The following EXT2 variants were observed in gnomAD, a reference collection of about 807,000 sequenced individuals.
The protein encoded by EXT2 is exostosin glycosyltransferase 2.
A neutral mutation model predicts 81.6 loss-of-function variants in EXT2; 53 were observed. The observed-to-expected ratio is 0.65, with a 90% CI of 0.52 to 0.82. The LOEUF is 0.82. EXT2 is among the 40% of genes least tolerant of loss of function. The pLI is 0.00. For synonymous variants in EXT2, 320 were observed against 340.0 expected (o/e 0.94, Z 0.65); for missense variants, 774 against 910.2 (o/e 0.85, Z 1.93).
chr11:44,107,863 G>A lies in EXT2; in HGVS notation c.151G>A (p.Glu51Lys), dbSNP rs763384036. ...GTTTCAGTTTTGGCCCCATTCTATCGAGTCCTCAAATGACTGGAATGTAGA... is the reference window on the plus strand; with the variant it reads ...GTTTCAGTTTTGGCCCCATTCTATCAAGTCCTCAAATGACTGGAATGTAGA... ...GMFQFWPHSIESSNDWNVEKR... is the reference protein window; with the variant it reads ...GMFQFWPHSIKSSNDWNVEKR... Residue 51 changes from glutamate to lysine, a missense_variant, in exon 2 of 14, where the codon GAG becomes AAG. By Grantham distance (56) the Glu-to-Lys change is moderately conservative. Transcript: ENST00000533608. 1.9e-6 allele frequency: 3 copies of A among 1,614,084 alleles called. No individual in the cohort carries two copies. The highest frequency in any genetic ancestry group is 2.7e-5 in the African/African-American group (2 of 74,990).
chr11:44,135,478 G>T (rs150862092), intron 7 of EXT2, among the ~76,000 whole-genome samples: 4 of 149,248 alleles, frequency 2.7e-5, no homozygotes, highest in African/African-American at 9.9e-5. Context: ...TGCAACCTCT[G>T]CCTCCTGGGT....
At chr11:44,166,713 G>C (rs564401543) in intron 7 of EXT2, among the ~76,000 whole-genome samples, 1 of 152,136 alleles carries the variant, frequency 6.6e-6, no homozygotes, top group East Asian at 1.9e-4. Context: ...ATTTCCCCAT[G>C]TTAAATTTTC....
At chr11:44,100,006 C>T (rs1953959449) in intron 1 of EXT2, among the ~76,000 whole-genome samples, 1 of 152,160 alleles carries the variant, frequency 6.6e-6, no homozygotes. Flanking sequence ...GAGGGCATCC[C>T]TCAGCCAGTG....
At position 44,250,442 on chromosome 11, in the gene EXT2, C is replaced by T. The variant is rs184609977; in HGVS notation, c.*6155C>T. On this transcript the variant is annotated 3_prime_UTR_variant, in exon 14 of 14. Coordinates refer to ENST00000533608, the MANE Select transcript of EXT2 (RefSeq NM_207122.2). ...GGAATGATGTATCATATCTCTTCCC[C>T]TTTTATTAACCAGATCGTTTACCAG... Among the ~76,000 whole-genome samples, 2 of 152,282 alleles carry T rather than the reference C, an allele frequency of 1.3e-5. No homozygotes were observed. Among genetic ancestry groups the T allele is most frequent in the Non-Finnish European group, 2.9e-5 (2 of 68,030 alleles).
At chr11:44,103,284 T>G (rs1166983924) in intron 1 of EXT2, among the ~76,000 whole-genome samples, 3 of 152,154 alleles carry the variant, frequency 2.0e-5, no homozygotes, top group Non-Finnish European at 4.4e-5. Context: ...GTTGAGCATC[T>G]TGAGTCTGTG....
chr11:44,167,067 C>T lies in EXT2; in HGVS notation c.1174-4544C>T, dbSNP rs1955004540. ...GAATTGAGCTACATAGTCACTCTGG[C>T]ATCTTCTCTGACGGTACTTGCCAAT... On this transcript the variant is annotated intron_variant, in intron 7 of 13. Transcript: ENST00000533608. Among the ~76,000 whole-genome samples the T allele has an allele frequency of 2.0e-5, 3 of 152,202 alleles. No homozygotes were observed. The South Asian group carries it at 6.2e-4, about 31-fold the overall frequency.
At position 44,234,165 on chromosome 11, in the gene EXT2, G is replaced by C; in HGVS notation, c.1857G>C (p.Trp619Cys). 6.2e-7 allele frequency: 1 copy of C among 1,614,100 alleles called. No individual in the cohort carries two copies. Among genetic ancestry groups the C allele is most frequent in the Non-Finnish European group, 8.5e-7 (1 of 1,180,018 alleles). The change falls in exon 12 of 14, where the codon TGG becomes TGC. Residue 619 changes from tryptophan (W) to cysteine (C), a missense_variant. By Grantham distance (215) the Trp-to-Cys change is radical. Around this residue, in one of 2 missense-constraint regions of EXT2, gnomAD observed 148 missense variants for 239.7 expected, o/e 0.62. Transcript: ENST00000533608. Reference sequence around the variant, plus strand: ...AAATGCCTGGGGATATCAAGAACTGGGTAGATGCTCATATGAACTGTGAAG... The same window carrying C: ...AAATGCCTGGGGATATCAAGAACTGCGTAGATGCTCATATGAACTGTGAAG... ...TYKMPGDIKN[W>C]VDAHMNCEDI...
chr11:44,224,680 T>C (rs1420098821), intron 10 of EXT2, among the ~76,000 whole-genome samples: 1 of 152,180 alleles, frequency 6.6e-6, no homozygotes, highest in Non-Finnish European at 1.5e-5. Flanking sequence ...ATTACTGAGT[T>C]TGTGGTCACT....
intron 3 of EXT2, among the ~76,000 whole-genome samples, chr11:44,111,394 A>C (rs1954140488): frequency 1.3e-5 from 2 of 152,186 alleles, no homozygotes; most frequent in Non-Finnish European, 2.9e-5. Context: ...CTTATATTAA[A>C]ATATGATGTG....
At chr11:44,127,645 C>T (rs1380124901) in intron 6 of EXT2, among the ~76,000 whole-genome samples, 1 of 152,162 alleles carries the variant, frequency 6.6e-6, no homozygotes, top group East Asian at 1.9e-4. Context: ...AAATGGTTAC[C>T]AACCTCTAGC....
At chr11:44,172,793 C>G (rs567811526) in intron 8 of EXT2, among the ~76,000 whole-genome samples, 1 of 152,028 alleles carries the variant, frequency 6.6e-6, no homozygotes, top group Non-Finnish European at 1.5e-5. Context: ...AGGCTGGTCT[C>G]GAACGCCTGA....
intron 8 of EXT2, among the ~76,000 whole-genome samples, chr11:44,195,059 A>G (rs1955438873): frequency 6.6e-6 from 1 of 152,226 alleles, no homozygotes; most frequent in Non-Finnish European, 1.5e-5. Flanking sequence ...AGGTACAAAT[A>G]CTAAAATCCA....
At chr11:44,189,267 A>AT (rs1444280662) in intron 8 of EXT2, among the ~76,000 whole-genome samples, 1 of 152,102 alleles carries the variant, frequency 6.6e-6, no homozygotes, top group African/African-American at 2.4e-5. Flanking sequence ...CCTTAAGAGG[A>AT]TTTCTAGCCT....
intron 13 of EXT2, among the ~76,000 whole-genome samples, chr11:44,239,395 T>TTC (rs1956008236): frequency 6.9e-6 from 1 of 145,704 alleles, no homozygotes; most frequent in African/African-American, 2.5e-5. Flanking sequence ...TGTATATACT[T>TTC]TTTTTTTTTT....
At chr11:44,120,384 T>C (rs1330289641) in intron 4 of EXT2, among the ~76,000 whole-genome samples, 3 of 152,244 alleles carry the variant, frequency 2.0e-5, no homozygotes, top group African/African-American at 7.2e-5. Flanking sequence ...GGCTGGTAGA[T>C]GGATTTCTGC....
chr11:44,198,390 A>G (rs537038038), intron 9 of EXT2, among the ~76,000 whole-genome samples: 3 of 152,288 alleles, frequency 2.0e-5, no homozygotes, highest in Admixed American at 1.3e-4. Context: ...TCTCAAAAAA[A>G]AAAAAGGGAT....
At chr11:44,238,751 C>T (rs1281032409) in intron 13 of EXT2, among the ~76,000 whole-genome samples, 1 of 152,094 alleles carries the variant, frequency 6.6e-6, no homozygotes, top group Non-Finnish European at 1.5e-5. Flanking sequence ...CTAGTAAAAC[C>T]CTGGGCCAGA....
chr11:44,199,992 G>T (rs747313249), intron 9 of EXT2, among the ~76,000 whole-genome samples: 2 of 152,080 alleles, frequency 1.3e-5, no homozygotes, highest in African/African-American at 4.8e-5. Context: ...TTAGGTCAGG[G>T]CTCTGGCTCT....
At chr11:44,149,802 G>A (rs1179008065) in intron 7 of EXT2, among the ~76,000 whole-genome samples, 1 of 152,130 alleles carries the variant, frequency 6.6e-6, no homozygotes, top group Non-Finnish European at 1.5e-5. Context: ...CTTATATATG[G>A]GCCTTTGGGA....
Sources: allele counts gnomAD v4.1 joint callset (sites outside exome capture counted in the v4.1 genomes callset), GRCh38; gene constraint gnomAD v4.1.1; regional missense constraint gnomAD v4.1.1; transcripts MANE v1.5; gene names NCBI Gene and HGNC (gene_info 2026-07-23, HGNC 2026-07-21).